The following NEBL variants were observed in gnomAD, a reference collection of about 807,000 sequenced individuals.
NEBL encodes nebulette, also known as LIM and SH3 protein 2.
A neutral mutation model predicts 140.2 loss-of-function variants in NEBL; 122 were observed. That is an observed-to-expected ratio of 0.87 (90% confidence interval 0.75 to 1.01). The LOEUF (loss-of-function observed/expected upper bound fraction) is 1.01, where lower values mean the gene tolerates loss of function less well. NEBL is among the 50% of genes least tolerant of loss of function. The pLI, the probability that NEBL is intolerant of heterozygous loss-of-function variation, is 0.00. For missense variants in NEBL, 1,365 were observed against 1,231.3 expected (o/e 1.11, Z -1.62); for synonymous variants, 436 against 398.9 (o/e 1.09, Z -1.11).
rs571974005 is a variant in NEBL at position 20,909,710 on chromosome 10, C to G, written c.357+51962G>C. 1.4e-3 allele frequency among the ~76,000 whole-genome samples: 219 copies of G among 152,130 alleles called. 2 individuals are homozygous for G. The highest frequency in any genetic ancestry group is 5.1e-3 in the African/African-American group (213 of 41,526). The stretch of plus-strand genomic sequence containing the variant: ...AATGAAGATAATTTACAGAATAACT[C>G]AACAATTCTCTCAATTGGGATAGAG... On this transcript the variant is annotated intron_variant, in intron 4 of 6. Transcript: ENST00000417816.
chr10:21,231,986 G>A (rs1446773237), intron 3 of NEBL, among the ~76,000 whole-genome samples: 1 of 152,070 alleles, frequency 6.6e-6, no homozygotes, highest in Non-Finnish European at 1.5e-5. Context: ...TGTTAAAATA[G>A]GGATCATAAA....
chr10:21,199,824 G>C (rs920522551), intron 3 of NEBL, among the ~76,000 whole-genome samples: 1 of 152,196 alleles, frequency 6.6e-6, no homozygotes, highest in Non-Finnish European at 1.5e-5. Context: ...TTGACAACTG[G>C]CTGGAGGTTA....
chr10:21,202,872 A>G (rs1340687103), intron 3 of NEBL, among the ~76,000 whole-genome samples: 2 of 152,196 alleles, frequency 1.3e-5, no homozygotes, highest in Admixed American at 6.5e-5. Flanking sequence ...AATATTTTCT[A>G]TACTAAGTAC....
At chr10:21,186,257 A>ACACACACACACACACAC (rs955598418) in intron 3 of NEBL, among the ~76,000 whole-genome samples, 1 of 124,738 alleles carries the variant, frequency 8.0e-6, no homozygotes, top group Non-Finnish European at 1.8e-5. Flanking sequence ...TATATATACA[A>ACACACACACACACACAC]ACACACACAC....
intron 26 of NEBL, among the ~76,000 whole-genome samples, 154 bp from the exon 27 acceptor site, chr10:20,787,462 G>C (rs1037683048): frequency 6.6e-6 from 1 of 152,176 alleles, no homozygotes; most frequent in Non-Finnish European, 1.5e-5. Context: ...TGTTATAAGT[G>C]ATCTCTAGAT....
At chr10:21,125,056 T>C (rs1838757961) in intron 2 of NEBL, among the ~76,000 whole-genome samples, 1 of 152,014 alleles carries the variant, frequency 6.6e-6, no homozygotes, top group Non-Finnish European at 1.5e-5. Context: ...CAAACACAGA[T>C]CATGAAGGAA....
chr10:21,138,352 C>T (rs1476362852), intron 2 of NEBL, among the ~76,000 whole-genome samples: 1 of 152,102 alleles, frequency 6.6e-6, no homozygotes, highest in East Asian at 1.9e-4. Context: ...CAAAGAAGCC[C>T]AGAAGGTACA....
intron 2 of NEBL, among the ~76,000 whole-genome samples, chr10:21,111,579 C>A (rs1838015796): frequency 6.6e-6 from 1 of 151,178 alleles, no homozygotes; most frequent in Admixed American, 6.6e-5. Flanking sequence ...ACACCATATA[C>A]AAAAATTAAT....
intron 1 of NEBL, among the ~76,000 whole-genome samples, chr10:21,278,688 G>T (rs1053683059): frequency 6.6e-6 from 1 of 152,150 alleles, no homozygotes; most frequent in Admixed American, 6.6e-5. Context: ...AGAAAGGAAG[G>T]GACAGAGGAA....
chr10:21,240,019 A>T (rs1046349737), intron 3 of NEBL, among the ~76,000 whole-genome samples: 2 of 152,020 alleles, frequency 1.3e-5, no homozygotes, highest in Non-Finnish European at 2.9e-5. Flanking sequence ...CTGCCTCAAA[A>T]AAAAAAAAAA....
rs567035606 is a variant in NEBL, at chr10:21,120,238, G to C, written c.164+52145C>G. Among the ~76,000 whole-genome samples the C allele has an allele frequency of 3.8e-4, 58 of 151,318 alleles. 1 individual carries two copies. In the South Asian group the frequency reaches 8.2e-3, roughly 21 times the overall value. On this transcript the variant is annotated intron_variant, in intron 2 of 6. Transcript: ENST00000417816. ...AAAAATTTAAAAATTAGCCCTGCAT[G>C]ATGGCATGTGCCTATATCCCCAGCT... is the stretch of plus-strand genomic sequence containing the variant.
At chr10:20,831,417 T>C in intron 15 of NEBL, 56 bp downstream of exon 15, 2 of 1,530,238 alleles carry the variant, frequency 1.3e-6, no homozygotes, top group Non-Finnish European at 1.8e-6. Flanking sequence ...CTTATGCTCT[T>C]TCCAGCTATG....
chr10:21,286,810 GC>G (rs1843062130), intron 1 of NEBL, among the ~76,000 whole-genome samples: 1 of 151,764 alleles, frequency 6.6e-6, no homozygotes, highest in Non-Finnish European at 1.5e-5. Flanking sequence ...CTGCGCTCCA[GC>G]CTGGGTGAAA....
chr10:21,013,676 G>A (rs970001429), intron 3 of NEBL, among the ~76,000 whole-genome samples: 5 of 152,070 alleles, frequency 3.3e-5, no homozygotes, highest in African/African-American at 4.8e-5. Flanking sequence ...TCAGGAGTTC[G>A]AGACCAGCCT....
intron 1 of NEBL, among the ~76,000 whole-genome samples, chr10:21,279,051 T>A (rs1842958550): frequency 1.3e-5 from 2 of 152,168 alleles, no homozygotes. Flanking sequence ...TACTGTGCCT[T>A]ACAGAGGCGG....
chr10:21,220,017 A>T (rs914548546), intron 3 of NEBL, among the ~76,000 whole-genome samples: 5 of 151,930 alleles, frequency 3.3e-5, no homozygotes, highest in African/African-American at 1.2e-4. Flanking sequence ...AGTTCAAGCA[A>T]TTCTCCTACC....
chr10:20,998,861 G>A (rs1837772238), intron 3 of NEBL, among the ~76,000 whole-genome samples: 1 of 152,092 alleles, frequency 6.6e-6, no homozygotes, highest in African/African-American at 2.4e-5. Flanking sequence ...ACTTCTGTCA[G>A]TCTGATATAC....
intron 2 of NEBL, among the ~76,000 whole-genome samples, chr10:21,100,129 C>A (rs1404699324): frequency 6.6e-6 from 1 of 152,168 alleles, no homozygotes; most frequent in Non-Finnish European, 1.5e-5. Context: ...TCCAGACTGC[C>A]CGGCCATCAC....
chr10:20,855,400 A>G (rs1842965041), intron 9 of NEBL, among the ~76,000 whole-genome samples: 1 of 151,888 alleles, frequency 6.6e-6, no homozygotes, highest in Non-Finnish European at 1.5e-5. Flanking sequence ...CACAACAAAT[A>G]CATATAAATA....
Sources: gnomAD v4.1 joint callset for allele counts (sites outside exome capture counted in the v4.1 genomes callset) on GRCh38, gnomAD v4.1.1 for gene constraint, MANE v1.5 for transcripts, NCBI Gene and HGNC (gene_info 2026-07-23, HGNC 2026-07-21) for gene names.